PRUNE2: variants seen among roughly 807,000 people sequenced by gnomAD.
The protein encoded by PRUNE2 is protein prune homolog 2.
A neutral mutation model predicts 252.0 loss-of-function variants in PRUNE2; 164 were observed. The ratio of observed to expected loss-of-function variants is 0.65; its 90% CI spans 0.57 to 0.74. The LOEUF (loss-of-function observed/expected upper bound fraction) is 0.74, where lower values mean the gene tolerates loss of function less well. Among genes scored for constraint, PRUNE2 ranks in the 30% least tolerant of loss-of-function variants. PRUNE2 has a pLI of 0.00. For missense variants in PRUNE2, 3,495 were observed against 3,711.0 expected, an observed-to-expected ratio of 0.94 and a Z score of 1.51; for synonymous variants, 1,292 against 1,350.2, an observed-to-expected ratio of 0.96 and a Z score of 0.94.
At chr9:76,719,779 C>T (rs114818968) in intron 6 of PRUNE2, among the ~76,000 whole-genome samples, 2,882 of 151,860 alleles carry the variant, frequency 0.019, 91 homozygotes, top group African/African-American at 0.066. Context: ...CCCTAGTAGC[C>T]GGGAATACAG....
rs750455896 is a variant in PRUNE2 at position 76,655,438 on chromosome 9, C to T, written c.8341G>A (p.Ala2781Thr). The change falls in exon 10 of 19, where the codon GCA (alanine) becomes ACA (threonine). Residue 2781 changes from alanine (A) to threonine (T), a missense_variant. Ala to Thr is a moderately conservative substitution (Grantham distance 58, BLOSUM62 0). Coordinates refer to ENST00000376718, the MANE Select transcript of PRUNE2 (RefSeq NM_015225.3). ...FEEGVLSPSA[A>T]DMRPEPPNSL... ...CTGCTCTCACCAGGCCTCATGTCTG[C>T]AGCACTGGGACTCAGCACGCCCTCT... The T allele has an allele frequency of 8.1e-6, 13 of 1,611,354 alleles. No individual in the cohort carries two copies. Among genetic ancestry groups the T allele is most frequent in the Middle Eastern group, 3.3e-4 (2 of 6,082 alleles).
intron 6 of PRUNE2, among the ~76,000 whole-genome samples, chr9:76,745,856 C>T (rs992422885): frequency 6.6e-6 from 1 of 152,186 alleles, no homozygotes; most frequent in African/African-American, 2.4e-5. Context: ...TTAACTCATC[C>T]CTCTCTCCGA....
intron 4 of PRUNE2, among the ~76,000 whole-genome samples, chr9:76,842,602 T>C (rs1282241594): frequency 6.6e-6 from 1 of 152,026 alleles, no homozygotes; most frequent in African/African-American, 2.4e-5. Context: ...AGGGCTAATA[T>C]CCAGAATCTA....
chr9:76,852,431 C>T (rs980248870), intron 2 of PRUNE2, among the ~76,000 whole-genome samples: 1 of 152,228 alleles, frequency 6.6e-6, no homozygotes, highest in Non-Finnish European at 1.5e-5. Flanking sequence ...TAGGTTCCAG[C>T]CCCAGTCTCT....
At chr9:76,901,433 T>C (rs1043131313) in intron 1 of PRUNE2, among the ~76,000 whole-genome samples, 3 of 152,176 alleles carry the variant, frequency 2.0e-5, no homozygotes, top group Non-Finnish European at 4.4e-5. Context: ...ATGAAACAGC[T>C]CTGCCAGCTT....
intron 7 of PRUNE2, among the ~76,000 whole-genome samples, chr9:76,712,418 G>A (rs916122227): frequency 2.0e-4 from 29 of 145,586 alleles, no homozygotes; most frequent in African/African-American, 6.5e-4. Flanking sequence ...AGAGGAACTC[G>A]CTAGGCCAGA....
At chr9:76,893,086 A>T (rs1327231853) in intron 1 of PRUNE2, among the ~76,000 whole-genome samples, 1 of 152,170 alleles carries the variant, frequency 6.6e-6, no homozygotes, top group Non-Finnish European at 1.5e-5. Context: ...CAAAATAAAA[A>T]ACAAAACGTT....
chr9:76,837,444 TAATA>T lies in PRUNE2; in HGVS notation c.508+9067_508+9070del, dbSNP rs1261875186. Among the ~76,000 whole-genome samples the T allele has an allele frequency of 1.2e-4, 13 of 112,634 alleles. No individual in the cohort carries two copies. The East Asian group carries it at 1.2e-3, about 11-fold the overall frequency. The allele number at this position is 112,634 out of a possible 152,430, so 73.9% of individuals were successfully genotyped here. A position where few individuals can be genotyped will look rare whatever the true frequency, so the allele number is the denominator to read the frequency against. On this transcript the variant is annotated intron_variant, in intron 4 of 18. Coordinates refer to ENST00000376718, the MANE Select transcript of PRUNE2 (RefSeq NM_015225.3). ...CGACACAGTGAGACTCTGTCTCAAA[TAATA>T]ATAATAATAATAATAATAATAATAA...
At chr9:76,832,171 A>AT (rs2132127113) in intron 4 of PRUNE2, among the ~76,000 whole-genome samples, 1 of 152,310 alleles carries the variant, frequency 6.6e-6, no homozygotes, top group South Asian at 2.1e-4. Flanking sequence ...ACAGTGGAAA[A>AT]TTTTAACACA....
At chr9:76,732,724 C>T (rs10781376) in intron 6 of PRUNE2, among the ~76,000 whole-genome samples, 26,790 of 152,154 alleles carry the variant, frequency 0.18, 2,796 homozygotes, top group East Asian at 0.49. Flanking sequence ...GCTTCTAGCA[C>T]GTCTCTTGCT....
At chr9:76,794,769 C>T (rs1399607831) in intron 6 of PRUNE2, among the ~76,000 whole-genome samples, 2 of 152,166 alleles carry the variant, frequency 1.3e-5, no homozygotes, top group Non-Finnish European at 2.9e-5. Flanking sequence ...CCTCAGTCAT[C>T]TGCTATATAT....
Position 76,613,020 on chromosome 9 carries a change from G to A in PRUNE2, c.*1550C>T, listed in dbSNP as rs1207344127. 1 of 152,174 alleles carries A rather than the reference G, an allele frequency of 6.6e-6. No individual in the cohort carries two copies. Among genetic ancestry groups the A allele is most frequent in the African/African-American group, 2.4e-5 (1 of 41,440 alleles). The allele number at this position is 152,174 out of a possible 1,614,324, so 9.4% of individuals were successfully genotyped here. ...TTCCCAGAGTGAGGCACGGACTTCA[G>A]CCAACACCTGTATATACTAAAGAAG... On this transcript the variant is annotated 3_prime_UTR_variant, in exon 19 of 19. Transcript: ENST00000376718.
At chr9:76,809,538 AT>A (rs964857210) in intron 6 of PRUNE2, among the ~76,000 whole-genome samples, 1 of 152,138 alleles carries the variant, frequency 6.6e-6, no homozygotes, top group African/African-American at 2.4e-5. Flanking sequence ...TTTACTAAAA[AT>A]TCAAAAATTA....
chr9:76,810,402 A>G (rs1564353910), intron 6 of PRUNE2, among the ~76,000 whole-genome samples: 1 of 152,250 alleles, frequency 6.6e-6, no homozygotes, highest in Non-Finnish European at 1.5e-5. Flanking sequence ...GCTAAAATTC[A>G]AATTATTCAA....
At chr9:76,645,569 CA>C (rs1354678968) in intron 11 of PRUNE2, among the ~76,000 whole-genome samples, 1 of 151,792 alleles carries the variant, frequency 6.6e-6, no homozygotes, top group Non-Finnish European at 1.5e-5. Context: ...ACAAGACTCC[CA>C]AATTGATGGG....
intron 6 of PRUNE2, among the ~76,000 whole-genome samples, chr9:76,806,956 G>C (rs73460291): frequency 0.05 from 7,654 of 151,932 alleles, 238 homozygotes; most frequent in African/African-American, 0.085. Flanking sequence ...TCAGAAGCCG[G>C]TATGTGTCAG....
At chr9:76,657,110 C>A (rs1849540106) in intron 9 of PRUNE2, among the ~76,000 whole-genome samples, 1 of 152,170 alleles carries the variant, frequency 6.6e-6, no homozygotes, top group East Asian at 1.9e-4. Flanking sequence ...GTCTGGGTAT[C>A]CCATGATCCT....
chr9:76,703,707 A>G lies in PRUNE2; in HGVS notation c.7906T>C (p.Leu2636=). ...SPAQDQSWMF[L]GHSEVGDPSL... is the part of the protein sequence containing the mutation. ...GGATCACCAACCTCACTATGGCCCA[A>G]GAACATCCAACTCTGGTCTTGTGCA... The change falls in exon 9 of 19, where the codon TTG becomes CTG. Residue 2636 remains leucine (L), a synonymous_variant. Coordinates refer to ENST00000376718, the MANE Select transcript of PRUNE2 (RefSeq NM_015225.3). 6.2e-7 allele frequency: 1 copy of G among 1,613,544 alleles called. No homozygotes were observed. Among genetic ancestry groups the G allele is most frequent in the Non-Finnish European group, 8.5e-7 (1 of 1,179,886 alleles).
At chr9:76,718,361 G>T (rs1221098526) in intron 6 of PRUNE2, among the ~76,000 whole-genome samples, 5 of 152,242 alleles carry the variant, frequency 3.3e-5, no homozygotes, top group Non-Finnish European at 2.9e-5. Context: ...ACCTTCTGTT[G>T]TCTTCTCAGT....
Sources: gnomAD v4.1 joint callset for allele counts (sites outside exome capture counted in the v4.1 genomes callset) on GRCh38, gnomAD v4.1.1 for gene constraint, MANE v1.5 for transcripts, NCBI Gene and HGNC (gene_info 2026-07-23, HGNC 2026-07-21) for gene names.